The following LIAS variants were observed in gnomAD, a reference collection of about 807,000 sequenced individuals.
LIAS encodes lipoyl synthase, mitochondrial.
Under a neutral mutation model 49.4 loss-of-function variants are expected in LIAS, and 36 were observed. The observed-to-expected ratio is 0.73, with a 90% CI of 0.56 to 0.96. LIAS has a LOEUF of 0.96. Among genes scored for constraint, LIAS ranks in the 40% least tolerant of loss-of-function variants. The pLI is 0.00. For synonymous variants in LIAS, 145 were observed against 155.8 expected (o/e 0.93, Z 0.52); for missense variants, 399 against 456.3 (o/e 0.87, Z 1.14).
rs1052267615 is a variant in LIAS at position 39,471,382 on chromosome 4, G to A, written c.954+76G>A. 21 of 1,083,004 alleles carry A rather than the reference G, an allele frequency of 1.9e-5. No individual in the cohort carries two copies. The East Asian group carries it at 2.0e-4, about 10-fold the overall frequency. The allele number at this position is 1,083,004 out of a possible 1,614,324, so 67.1% of individuals were successfully genotyped here. ...GAGTTTTGCTCTTGTCGCCTGAGCT[G>A]GAGTGTAGTGGCACAATCTCGGCTC... On this transcript the variant is annotated intron_variant, in intron 9 of 10. Transcript: ENST00000640888.
chr4:39,463,054 C>T (rs1347946693), intron 3 of LIAS, among the ~76,000 whole-genome samples: 1 of 151,826 alleles, frequency 6.6e-6, no homozygotes, highest in Non-Finnish European at 1.5e-5. Context: ...ATAGGACATG[C>T]TCACTACACT....
At position 39,473,218 on chromosome 4, in the gene LIAS, T is replaced by A; in HGVS notation, c.1066+7T>A. 1 of 1,540,936 alleles carries A rather than the reference T, an allele frequency of 6.5e-7. No homozygotes were observed. Among genetic ancestry groups the A allele is most frequent in the South Asian group, 1.1e-5 (1 of 89,480 alleles). ...CGTTCTTCATATAAAGCAGGTAAGT[T>A]AGATTGTGGGGCATGGTTTCATTTA... On this transcript the variant is annotated splice_region_variant and intron_variant, in intron 10 of 10. Transcript: ENST00000640888.
At chr4:39,474,225 T>G (rs2109889443) in intron 10 of LIAS, among the ~76,000 whole-genome samples, 1 of 139,428 alleles carries the variant, frequency 7.2e-6, no homozygotes, top group South Asian at 2.2e-4. Flanking sequence ...ATTGTGCCAC[T>G]GCACTCCAGC....
At chr4:39,459,905 A>G (rs1438469563) in intron 1 of LIAS, among the ~76,000 whole-genome samples, 1 of 151,862 alleles carries the variant, frequency 6.6e-6, no homozygotes, top group African/African-American at 2.4e-5. Flanking sequence ...GGTTGCAGTG[A>G]GCCGAGATCG....
At chr4:39,459,304 T>G (rs1744315830) in intron 1 of LIAS, 142 bp downstream of exon 1, 4 of 693,302 alleles carry the variant, frequency 5.8e-6, no homozygotes, top group Non-Finnish European at 9.5e-6. Context: ...TTTCGTGTAA[T>G]CTCATGTAAT....
At chr4:39,471,181 C>A in intron 8 of LIAS, 55 bp from the exon 9 acceptor site, 3 of 1,309,158 alleles carry the variant, frequency 2.3e-6, no homozygotes, top group Non-Finnish European at 3.3e-6. Context: ...GAAAATTATG[C>A]TTAGATCTAC....
intron 9 of LIAS, among the ~76,000 whole-genome samples, chr4:39,472,087 ATGTG>A (rs922416049): frequency 3.1e-4 from 47 of 151,126 alleles, no homozygotes; most frequent in African/African-American, 1.0e-3. Context: ...ATATATACGT[ATGTG>A]TGTGTGTATA....
Position 39,471,241 on chromosome 4 carries a change from C to G in LIAS, c.889C>G (p.Arg297Gly). ...TTGTGCTTTTCTTCCTACAGCACTT[C>G]GTGAGGCAGATGTAGACTGCTTGAC... ...EQVYATMKAL[R>G]EADVDCLTLG... The change falls in exon 9 of 11, where the codon CGT becomes GGT. Residue 297 changes from arginine to glycine, a missense_variant. This residue lies in a region of LIAS where 234 missense variants were observed against 292.2 expected (regional missense o/e 0.80). Coordinates refer to ENST00000640888, the MANE Select transcript of LIAS (RefSeq NM_006859.4). 2.5e-6 allele frequency: 4 copies of G among 1,608,306 alleles called. No homozygotes were observed. Among genetic ancestry groups the G allele is most frequent in the Non-Finnish European group, 3.4e-6 (4 of 1,176,132 alleles).
chr4:39,466,500 C>T (rs2109877323), intron 6 of LIAS: 1 of 152,068 alleles, frequency 6.6e-6, no homozygotes, highest in South Asian at 2.1e-4. Context: ...AGGAAGATTG[C>T]TTGAGGACAG....
chr4:39,465,201 T>A lies in LIAS; in HGVS notation c.549T>A (p.Asp183Glu). Residue 183 changes from aspartate to glutamate, a missense_variant and splice_region_variant, in exon 5 of 11, where the codon GAT (aspartate) becomes GAA (glutamate). By Grantham distance (45) the Asp-to-Glu change is conservative. Transcript: ENST00000640888. The part of the protein sequence containing the change: ...DYVVLTSVDR[D>E]DMPDGGAEHI... ...TTGTCCTGACATCTGTGGATCGAGATGGTTAGTGTGTCATCATGGCCTCTA... is the reference window on the plus strand; with the variant it reads ...TTGTCCTGACATCTGTGGATCGAGAAGGTTAGTGTGTCATCATGGCCTCTA... 6.2e-7 allele frequency: 1 copy of A among 1,613,394 alleles called. No individual in the cohort carries two copies. Among genetic ancestry groups the A allele is most frequent in the Non-Finnish European group, 8.5e-7 (1 of 1,179,464 alleles).
intron 8 of LIAS, among the ~76,000 whole-genome samples, chr4:39,470,778 T>C (rs1744951731): frequency 6.6e-6 from 1 of 152,244 alleles, no homozygotes; most frequent in Non-Finnish European, 1.5e-5. Flanking sequence ...TTTACCACAT[T>C]GCACACAGTT....
At chr4:39,473,525 G>A (rs1467776583) in intron 10 of LIAS, 2 of 196,444 alleles carry the variant, frequency 1.0e-5, no homozygotes, top group African/African-American at 4.7e-5. Flanking sequence ...ATTCAGAAAT[G>A]ACAGAGCATG....
intron 10 of LIAS, among the ~76,000 whole-genome samples, chr4:39,474,535 C>A (rs907690232): frequency 1.3e-5 from 2 of 151,946 alleles, no homozygotes; most frequent in Non-Finnish European, 2.9e-5. Context: ...CGCATGGGCC[C>A]AGGAGTTCAA....
chr4:39,464,947 A>G, intron 4 of LIAS, 99 bp from the exon 5 acceptor site: 1 of 917,822 alleles, frequency 1.1e-6, no homozygotes, highest in Non-Finnish European at 1.7e-6. Context: ...AAACAGAACC[A>G]AACTGTATGC....
At chr4:39,470,190 CT>C (rs1744932010) in intron 8 of LIAS, 26 bp downstream of exon 8, 3 of 1,598,634 alleles carry the variant, frequency 1.9e-6, no homozygotes, top group Non-Finnish European at 2.6e-6. Context: ...AATGAAAAAT[CT>C]TTCCCATGTA....
Position 39,470,032 on chromosome 4 carries a change from C to T in LIAS, c.751C>T (p.Pro251Ser), listed in dbSNP as rs146513468. ...GCTGTTTTCCAGTAAGGTTCGTGAT[C>T]CTCGGGCCAATTTTGATCAGTCCCT... ...VPELQSKVRD[P>S]RANFDQSLRV... Residue 251 changes from proline to serine, a missense_variant, in exon 8 of 11, where the codon CCT becomes TCT. Physicochemically the swap from Pro to Ser is moderately conservative, Grantham distance 74. Coordinates refer to ENST00000640888, the MANE Select transcript of LIAS (RefSeq NM_006859.4). 51 of 1,608,356 alleles carry T rather than the reference C, an allele frequency of 3.2e-5. No individual in the cohort carries two copies. Among genetic ancestry groups the T allele is most frequent in the African/African-American group, 1.7e-4 (13 of 74,832 alleles).
intron 1 of LIAS, among the ~76,000 whole-genome samples, chr4:39,459,569 A>G (rs535640281): frequency 6.6e-6 from 1 of 152,338 alleles, no homozygotes; most frequent in Admixed American, 6.5e-5. Context: ...GCAATCGTGC[A>G]ACACCCTAAC....
chr4:39,460,849 A>G lies in LIAS; in HGVS notation c.105A>G (p.Lys35=), dbSNP rs2109867811. The G allele has an allele frequency of 6.2e-7, 1 of 1,608,478 alleles. No individual in the cohort carries two copies. ...CGTTAAGCTCCTTGCCAGATAAAAA[A>G]AAGGAACTCCTACAGAATGGACCAG... ...VRPLSSLPDK[K]KELLQNGPDL... is the part of the protein sequence containing the mutation. The change falls in exon 2 of 11, where the codon AAA becomes AAG. Residue 35 remains lysine, a synonymous_variant. Coordinates refer to ENST00000640888, the MANE Select transcript of LIAS (RefSeq NM_006859.4).
chr4:39,469,723 T>C, intron 7 of LIAS: 1 of 266,484 alleles, frequency 3.8e-6, no homozygotes, highest in Non-Finnish European at 7.1e-6. Context: ...TTACTTCTGC[T>C]TTTTTTCCTT....
Sources: gnomAD v4.1 joint callset for allele counts (sites outside exome capture counted in the v4.1 genomes callset) on GRCh38, gnomAD v4.1.1 for gene constraint, gnomAD v4.1.1 regional missense constraint, MANE v1.5 for transcripts, NCBI Gene and HGNC (gene_info 2026-07-23, HGNC 2026-07-21) for gene names.